The following TWIST2 variants were observed in gnomAD, a reference collection of about 807,000 sequenced individuals.
TWIST2 encodes the protein twist-related protein 2.
Under a neutral mutation model 11.6 loss-of-function variants are expected in TWIST2, and 1 was observed. The ratio of observed to expected loss-of-function variants is 0.09; its 90% confidence interval spans 0.03 to 0.41. The LOEUF (loss-of-function observed/expected upper bound fraction) is 0.41. Among genes scored for constraint, TWIST2 ranks in the 10% least tolerant of loss-of-function variants. The pLI is 0.98. For synonymous variants in TWIST2, 87 were observed against 96.6 expected (o/e 0.90, Z 0.58); for missense variants, 168 against 226.4 (o/e 0.74, Z 1.66).
chr2:238,852,663 A>ACG (rs1553565877), intron 1 of TWIST2, among the ~76,000 whole-genome samples: 21 of 50,450 alleles, frequency 4.2e-4, no homozygotes, highest in African/African-American at 1.6e-3. Context: ...ACACACACAC[A>ACG]CACACGCACA....
chr2:238,855,426 T>C (rs1221907672), intron 1 of TWIST2, among the ~76,000 whole-genome samples: 1 of 152,230 alleles, frequency 6.6e-6, no homozygotes, highest in Non-Finnish European at 1.5e-5. Flanking sequence ...ATACTACATA[T>C]ATACTGGTTT....
At position 238,864,323 on chromosome 2, in the gene TWIST2, A is replaced by G. The variant is rs1692491765; in HGVS notation, c.*35+15590A>G. On this transcript the variant is annotated intron_variant, in intron 1 of 1. Coordinates refer to ENST00000612363, the MANE Select transcript of TWIST2 (RefSeq NM_001271893.4). The surrounding 1 kb of genome is among the most constrained non-coding windows in gnomAD (Gnocchi z 4.7). Reference sequence around the variant, plus strand: ...CGAAGACACAGATGCTCACTGCTGTAGAGACATAAAGAAACCAAGAGGTTA... The same window carrying G: ...CGAAGACACAGATGCTCACTGCTGTGGAGACATAAAGAAACCAAGAGGTTA... Among the ~76,000 whole-genome samples the G allele has an allele frequency of 6.6e-6, 1 of 152,202 alleles. No individual in the cohort carries two copies. Among genetic ancestry groups the G allele is most frequent in the South Asian group, 2.1e-4 (1 of 4,818 alleles).
At chr2:238,877,737 G>A (rs969309605) in intron 1 of TWIST2, among the ~76,000 whole-genome samples, 2 of 152,150 alleles carry the variant, frequency 1.3e-5, no homozygotes, top group African/African-American at 4.8e-5. Flanking sequence ...ACATACTACT[G>A]TGAACATATC....
At chr2:238,900,986 CT>C (rs1248385207) in intron 1 of TWIST2, among the ~76,000 whole-genome samples, 9,292 of 139,518 alleles carry the variant, frequency 0.067, 486 homozygotes, top group African/African-American at 0.15. Flanking sequence ...TCCCCCCCGG[CT>C]TTTTTTTTTT....
intron 1 of TWIST2, among the ~76,000 whole-genome samples, chr2:238,890,253 G>A (rs1366162537): frequency 6.6e-6 from 1 of 152,196 alleles, no homozygotes; most frequent in Non-Finnish European, 1.5e-5. Flanking sequence ...CATGCTTGTG[G>A]CCACTCCAGC....
chr2:238,868,934 A>G (rs948736330), intron 1 of TWIST2, among the ~76,000 whole-genome samples: 1 of 152,248 alleles, frequency 6.6e-6, no homozygotes, highest in Non-Finnish European at 1.5e-5. Flanking sequence ...TTCTAGAGAA[A>G]GGAAGTTCAT....
intron 1 of TWIST2, among the ~76,000 whole-genome samples, chr2:238,908,530 CAT>C (rs1279821685): frequency 6.6e-6 from 1 of 152,192 alleles, no homozygotes; most frequent in African/African-American, 2.4e-5. Context: ...ACACGAGTGA[CAT>C]GTGAATAAGC....
At chr2:238,861,602 A>C (rs1383667875) in intron 1 of TWIST2, among the ~76,000 whole-genome samples, 1 of 152,074 alleles carries the variant, frequency 6.6e-6, no homozygotes, top group Non-Finnish European at 1.5e-5. Context: ...ACTATCCCTG[A>C]AGGTGAGACC....
At chr2:238,908,464 A>G (rs1693393798) in intron 1 of TWIST2, among the ~76,000 whole-genome samples, 2 of 151,606 alleles carry the variant, frequency 1.3e-5, no homozygotes, top group Admixed American at 6.6e-5. Context: ...CATACAACAT[A>G]CCATGTACAC....
At chr2:238,849,580 C>T (rs1183181950) in intron 1 of TWIST2, among the ~76,000 whole-genome samples, 1 of 152,162 alleles carries the variant, frequency 6.6e-6, no homozygotes, top group African/African-American at 2.4e-5. Flanking sequence ...CATCCAGCCC[C>T]GCAGGGATGG....
chr2:238,848,840 G>T, intron 1 of TWIST2, 107 bp downstream of exon 1: 3 of 935,626 alleles, frequency 3.2e-6, no homozygotes, highest in Non-Finnish European at 4.2e-6. Flanking sequence ...CCCGCGGGCC[G>T]CGGGGGCTTG....
At chr2:238,868,948 A>T (rs1044667243) in intron 1 of TWIST2, among the ~76,000 whole-genome samples, 1 of 152,238 alleles carries the variant, frequency 6.6e-6, no homozygotes, top group Admixed American at 6.5e-5. Context: ...AGTTCATCTC[A>T]GAGGGGTCAG....
chr2:238,850,742 T>G (rs765134029), intron 1 of TWIST2, among the ~76,000 whole-genome samples: 1 of 152,202 alleles, frequency 6.6e-6, no homozygotes, highest in Non-Finnish European at 1.5e-5. Flanking sequence ...GAAAATATAA[T>G]AGATAATTAC....
chr2:238,888,951 G>A (rs35044006), intron 1 of TWIST2, among the ~76,000 whole-genome samples: 7,265 of 152,244 alleles, frequency 0.048, 575 homozygotes, highest in African/African-American at 0.16. Flanking sequence ...TAGCAGAGAG[G>A]AGGAGACTGG....
intron 1 of TWIST2, among the ~76,000 whole-genome samples, chr2:238,858,641 C>T (rs1692372219): frequency 6.6e-6 from 1 of 152,194 alleles, no homozygotes; most frequent in East Asian, 1.9e-4. Context: ...AAGTCATGGC[C>T]TCTCTGGGCC....
rs1692497252 is a variant in TWIST2 at position 238,864,542 on chromosome 2, C to T, written c.*35+15809C>T. Among the ~76,000 whole-genome samples, 1 of 151,860 alleles carries T rather than the reference C, an allele frequency of 6.6e-6. No homozygotes were observed. Among genetic ancestry groups the T allele is most frequent in the African/African-American group, 2.4e-5 (1 of 41,358 alleles). ...CAGTTCCAAGGCGCGCCCCACCCGG[C>T]CCCCAGGCCAGGTCAGCCTGGGGAG... On this transcript the variant is annotated intron_variant, in intron 1 of 1. Transcript: ENST00000612363. This position sits in a 1 kb window ranked among gnomAD's most constrained non-coding sequence, Gnocchi z 4.7.
chr2:238,848,628 A>G lies in TWIST2; in HGVS notation c.413A>G (p.His138Arg). 6.5e-7 allele frequency: 1 copy of G among 1,543,218 alleles called. No homozygotes were observed. The highest frequency in any genetic ancestry group is 8.7e-7 in the Non-Finnish European group (1 of 1,150,402). The change falls in exon 1 of 2, where the codon CAC becomes CGC. Residue 138 changes from histidine (H) to arginine (R), a missense_variant. Around this residue, in one of 3 missense-constraint regions of TWIST2, gnomAD observed 62 missense variants for 75.3 expected, o/e 0.82. Coordinates refer to ENST00000612363, the MANE Select transcript of TWIST2 (RefSeq NM_001271893.4). ...NKMTSCSYVA[H>R]ERLSYAFSVW... ...ATGACCAGCTGCAGCTACGTGGCCC[A>G]CGAGCGCCTCAGCTACGCCTTCTCC...
At chr2:238,868,883 T>C (rs2106356890) in intron 1 of TWIST2, among the ~76,000 whole-genome samples, 1 of 152,256 alleles carries the variant, frequency 6.6e-6, no homozygotes, top group Admixed American at 6.5e-5. Flanking sequence ...CTCAAGATGG[T>C]CCAGTGATGG....
chr2:238,888,183 T>C (rs1159788861), intron 1 of TWIST2, among the ~76,000 whole-genome samples: 1 of 152,260 alleles, frequency 6.6e-6, no homozygotes, highest in Non-Finnish European at 1.5e-5. Flanking sequence ...AATGTTAGGA[T>C]GTTGAGAGAT....
Sources: gnomAD v4.1 joint callset for allele counts (sites outside exome capture counted in the v4.1 genomes callset) on GRCh38, gnomAD v4.1.1 for gene constraint, gnomAD v4.1.1 regional missense constraint, Gnocchi (gnomAD v3.1) non-coding constraint, MANE v1.5 for transcripts, NCBI Gene and HGNC (gene_info 2026-07-23, HGNC 2026-07-21) for gene names.